The following NDUFB3 variants were observed in gnomAD, a reference collection of about 807,000 sequenced individuals.
NDUFB3 encodes NADH dehydrogenase [ubiquinone] 1 beta subcomplex subunit 3.
In NDUFB3, 7 loss-of-function variants were observed where a neutral mutation model predicts 9.0. The ratio of observed to expected loss-of-function variants is 0.78; its 90% CI spans 0.44 to 1.46. NDUFB3 has a LOEUF of 1.46. NDUFB3 is among the 40% of genes most tolerant of loss of function. The pLI is 0.01. For missense variants in NDUFB3, 93 were observed against 115.4 expected (o/e 0.81, Z 0.89); for synonymous variants, 29 against 38.5 (o/e 0.75, Z 0.91).
At chr2:201,081,593 G>C (rs530644602) in intron 2 of NDUFB3, among the ~76,000 whole-genome samples, 1 of 151,426 alleles carries the variant, frequency 6.6e-6, no homozygotes, top group South Asian at 2.1e-4. Context: ...ATTGCTTTAC[G>C]TACAGGTCTT....
chr2:201,082,917 G>A (rs1025840006), intron 2 of NDUFB3, among the ~76,000 whole-genome samples: 3 of 151,244 alleles, frequency 2.0e-5, no homozygotes, highest in Non-Finnish European at 1.5e-5. Flanking sequence ...GTTTCACCTT[G>A]TTAGCCAGGA....
At chr2:201,082,869 G>A (rs1364377068) in intron 2 of NDUFB3, among the ~76,000 whole-genome samples, 14 of 150,292 alleles carry the variant, frequency 9.3e-5, no homozygotes, top group South Asian at 4.2e-4. Flanking sequence ...GCCCGCCACC[G>A]CGCCCGGCTA....
In NDUFB3 at chr2:201,078,708, A is replaced by G. The variant is rs11887751; in HGVS notation, c.-2-173A>G. ...GTATGTGTATTTCCTAACTGTGAAC[A>G]TGGTTGTAGAATAAGACACTTTTAT... On this transcript the variant is annotated intron_variant, in intron 1 of 2. Transcript: ENST00000237889. 0.052 allele frequency among the ~76,000 whole-genome samples: 7,890 copies of G among 152,080 alleles called. 472 individuals carry two copies. Among genetic ancestry groups the G allele is most frequent in the African/African-American group, 0.14 (5,984 of 41,506 alleles).
chr2:201,079,047 T>C (rs1324702327), intron 2 of NDUFB3, 25 bp downstream of exon 2: 2 of 1,598,476 alleles, frequency 1.3e-6, no homozygotes, highest in East Asian at 4.5e-5. Context: ...GTAATTTAGA[T>C]AGAATGTATC....
At chr2:201,084,839 G>C (rs1312863257) in intron 2 of NDUFB3, among the ~76,000 whole-genome samples, 1 of 152,064 alleles carries the variant, frequency 6.6e-6, no homozygotes, top group Admixed American at 6.6e-5. Flanking sequence ...TATCAGACCA[G>C]AGCAGGGTAT....
At chr2:201,075,880 T>TATCTCTTCCAAATACAC (rs2047158236) in intron 1 of NDUFB3, among the ~76,000 whole-genome samples, 1 of 152,188 alleles carries the variant, frequency 6.6e-6, no homozygotes, top group Admixed American at 6.6e-5. Flanking sequence ...GATACTCAGG[T>TATCTCTTCCAAATACAC]TGATATTCTA....
At chr2:201,076,984 C>G (rs2047171359) in intron 1 of NDUFB3, among the ~76,000 whole-genome samples, 1 of 151,782 alleles carries the variant, frequency 6.6e-6, no homozygotes, top group Non-Finnish European at 1.5e-5. Flanking sequence ...CCTGTAATCC[C>G]AGCCACTCAG....
chr2:201,076,423 T>A (rs2047163141), intron 1 of NDUFB3, among the ~76,000 whole-genome samples: 1 of 149,454 alleles, frequency 6.7e-6, no homozygotes, highest in Non-Finnish European at 1.5e-5. Context: ...GGACAATCAC[T>A]TGAGCCCAGG....
intron 2 of NDUFB3, among the ~76,000 whole-genome samples, chr2:201,083,991 A>G (rs2125539074): frequency 6.6e-6 from 1 of 151,768 alleles, no homozygotes; most frequent in East Asian, 2.0e-4. Context: ...CCCTGTCTCT[A>G]CTAAAATTAC....
chr2:201,080,154 A>C (rs2047207301), intron 2 of NDUFB3, among the ~76,000 whole-genome samples: 1 of 152,136 alleles, frequency 6.6e-6, no homozygotes, highest in Non-Finnish European at 1.5e-5. Context: ...TGTCATATGA[A>C]GTAAGGATGA....
At chr2:201,080,410 A>G (rs1353123604) in intron 2 of NDUFB3, among the ~76,000 whole-genome samples, 1 of 152,224 alleles carries the variant, frequency 6.6e-6, no homozygotes, top group East Asian at 1.9e-4. Flanking sequence ...CTCTACAAAA[A>G]AATTTTAAGA....
intron 2 of NDUFB3, among the ~76,000 whole-genome samples, chr2:201,083,550 T>C (rs2047256796): frequency 6.6e-6 from 1 of 151,824 alleles, no homozygotes; most frequent in African/African-American, 2.4e-5. Flanking sequence ...GACTAAAACG[T>C]TGGCCAGGCT....
At chr2:201,081,375 C>T (rs1185086717) in intron 2 of NDUFB3, among the ~76,000 whole-genome samples, 2 of 151,636 alleles carry the variant, frequency 1.3e-5, no homozygotes, top group Non-Finnish European at 2.9e-5. Flanking sequence ...CCCAGCTACT[C>T]AGGAGGCTGA....
chr2:201,077,455 T>G (rs186990215), intron 1 of NDUFB3, among the ~76,000 whole-genome samples: 1 of 152,124 alleles, frequency 6.6e-6, no homozygotes, highest in Non-Finnish European at 1.5e-5. Flanking sequence ...GGAAGCAAAT[T>G]TATTGATTAA....
intron 2 of NDUFB3, among the ~76,000 whole-genome samples, chr2:201,081,448 A>C (rs550937211): frequency 1.3e-5 from 2 of 151,964 alleles, no homozygotes; most frequent in South Asian, 4.2e-4. Context: ...GTGCCACTGC[A>C]CTCCAGCCTG....
In NDUFB3 at chr2:201,073,798, A is replaced by T. The variant is rs571716279; in HGVS notation, c.-3+1739A>T. On this transcript the variant is annotated intron_variant, in intron 1 of 2. Transcript: ENST00000237889. ...AAAAAAAATTTGTTTTTTTTTAAAG[A>T]CTAGAGGCTTGATGTCTCTAAGAAA... 2.0e-5 allele frequency among the ~76,000 whole-genome samples: 3 copies of T among 152,122 alleles called. No individual in the cohort carries two copies. The East Asian group carries it at 5.8e-4, about 29-fold the overall frequency.
At chr2:201,073,877 T>C (rs1446458699) in intron 1 of NDUFB3, among the ~76,000 whole-genome samples, 1 of 152,152 alleles carries the variant, frequency 6.6e-6, no homozygotes, top group African/African-American at 2.4e-5. Context: ...GATCTGTGAT[T>C]ATGTTTATAA....
At chr2:201,081,671 C>A (rs2047224085) in intron 2 of NDUFB3, among the ~76,000 whole-genome samples, 1 of 151,272 alleles carries the variant, frequency 6.6e-6, no homozygotes, top group Non-Finnish European at 1.5e-5. Context: ...TTCTGGGAGA[C>A]AGAGTCTCAC....
intron 1 of NDUFB3, among the ~76,000 whole-genome samples, chr2:201,072,766 G>A (rs974377207): frequency 2.6e-5 from 4 of 152,004 alleles, no homozygotes; most frequent in Non-Finnish European, 4.4e-5. Flanking sequence ...ATATACAGAA[G>A]GGTGTATAAA....
Sources: allele counts gnomAD v4.1 joint callset (sites outside exome capture counted in the v4.1 genomes callset), GRCh38; gene constraint gnomAD v4.1.1; transcripts MANE v1.5; gene names NCBI Gene and HGNC (gene_info 2026-07-23, HGNC 2026-07-21).